The following COP1 variants were observed in gnomAD, a reference collection of about 807,000 sequenced individuals.
COP1 encodes COP1 E3 ubiquitin ligase, also known as E3 ubiquitin-protein ligase COP1.
Under a neutral mutation model 101.3 loss-of-function variants are expected in COP1, and 24 were observed. The observed-to-expected ratio is 0.24, with a 90% CI of 0.17 to 0.33. The LOEUF is 0.33. Among genes scored for constraint, COP1 ranks in the 10% least tolerant of loss-of-function variants. COP1 has a pLI of 1.00. For synonymous variants in COP1, 347 were observed against 341.9 expected, an observed-to-expected ratio of 1.01 and a Z score of -0.17; for missense variants, 663 against 906.2, an observed-to-expected ratio of 0.73 and a Z score of 3.45.
intron 3 of COP1, among the ~76,000 whole-genome samples, chr1:176,166,866 G>A (rs572083630): frequency 3.0e-4 from 45 of 152,168 alleles, no homozygotes; most frequent in Non-Finnish European, 4.9e-4. Context: ...GAGCTCAGGA[G>A]TTCGAGGCTG....
intron 11 of COP1, among the ~76,000 whole-genome samples, chr1:176,064,141 C>T (rs531332928): frequency 1.4e-4 from 21 of 152,168 alleles, no homozygotes; most frequent in African/African-American, 4.8e-4. Flanking sequence ...GCCCATGGTC[C>T]ATAGTTTGCT....
intron 18 of COP1, among the ~76,000 whole-genome samples, chr1:175,975,380 T>TC (rs1415135221): frequency 1.3e-5 from 2 of 152,036 alleles, no homozygotes; most frequent in African/African-American, 4.8e-5. Context: ...CCCACAACCA[T>TC]CCCGAAGTTA....
intron 18 of COP1, among the ~76,000 whole-genome samples, chr1:175,969,400 A>C (rs1046344194): frequency 1.3e-5 from 2 of 152,182 alleles, no homozygotes; most frequent in Admixed American, 1.3e-4. Context: ...CCTTCCACTG[A>C]AGCAGGTCAT....
At chr1:176,084,057 G>C (rs1374814798) in intron 10 of COP1, among the ~76,000 whole-genome samples, 1 of 152,100 alleles carries the variant, frequency 6.6e-6, no homozygotes, top group Admixed American at 6.5e-5. Flanking sequence ...GTGACTTAAA[G>C]ATTACTAATA....
At position 176,185,053 on chromosome 1, in the gene COP1, G is replaced by A. The variant is rs113042603; in HGVS notation, c.408-361C>T. Among the ~76,000 whole-genome samples the A allele has an allele frequency of 2.6e-3, 398 of 152,144 alleles. 3 individuals are homozygous for A. Among genetic ancestry groups the A allele is most frequent in the African/African-American group, 9.2e-3 (380 of 41,514 alleles). ...TTTTCCATCACATGTACTCAAAAGCGTGTACCGAGACCTGCTAAATACTCT... is the reference window on the plus strand; with the variant it reads ...TTTTCCATCACATGTACTCAAAAGCATGTACCGAGACCTGCTAAATACTCT... On this transcript the variant is annotated intron_variant, in intron 1 of 19. Coordinates refer to ENST00000367669, the MANE Select transcript of COP1 (RefSeq NM_022457.7).
At chr1:176,032,098 A>G (rs957909281) in intron 14 of COP1, among the ~76,000 whole-genome samples, 4 of 152,208 alleles carry the variant, frequency 2.6e-5, no homozygotes, top group African/African-American at 7.2e-5. Context: ...TGACACAGTA[A>G]AACAGCCCAA....
rs1042255813 is a variant in COP1 at position 176,154,107 on chromosome 1, G to C, written c.763-5033C>G. On this transcript the variant is annotated intron_variant, in intron 5 of 19. Coordinates refer to ENST00000367669, the MANE Select transcript of COP1 (RefSeq NM_022457.7). ...GTATCAAGATGATGCTGGCCTCACA[G>C]AATACTTAGGGAGGAGTGCCTCTTC... Among the ~76,000 whole-genome samples, 22 of 152,256 alleles carry C rather than the reference G, an allele frequency of 1.4e-4. 2 individuals carry two copies. The highest frequency in any genetic ancestry group is 1.2e-3 in the Admixed American group (18 of 15,288).
intron 15 of COP1, among the ~76,000 whole-genome samples, chr1:175,998,063 TAAAAAAA>T (rs57110017): frequency 0.037 from 2,503 of 66,834 alleles, 18 homozygotes; most frequent in Admixed American, 0.097. Context: ...AGAGTATAAT[TAAAAAAA>T]AAAAAAAAAA....
intron 8 of COP1, among the ~76,000 whole-genome samples, chr1:176,117,499 C>T (rs1156776701): frequency 6.6e-6 from 1 of 152,146 alleles, no homozygotes; most frequent in East Asian, 1.9e-4. Context: ...TTAAATAAGC[C>T]TTACATAAAA....
chr1:176,171,318 C>T (rs1696027851), intron 3 of COP1, among the ~76,000 whole-genome samples: 1 of 152,062 alleles, frequency 6.6e-6, no homozygotes, highest in African/African-American at 2.4e-5. Context: ...ATCTCTTGAA[C>T]CAACGTCTGT....
intron 8 of COP1, among the ~76,000 whole-genome samples, chr1:176,133,377 C>T (rs1689268812): frequency 6.6e-6 from 1 of 151,454 alleles, no homozygotes; most frequent in African/African-American, 2.4e-5. Context: ...TATCAAGTGT[C>T]ATATATTAGG....
chr1:176,072,917 C>T (rs11806468), intron 11 of COP1, among the ~76,000 whole-genome samples: 8,081 of 152,106 alleles, frequency 0.053, 466 homozygotes, highest in Middle Eastern at 0.14. Context: ...GTGTCAGAAC[C>T]TCAAAAGAAT....
At chr1:175,998,063 TAAAAAAAAAAAA>T (rs57110017) in intron 15 of COP1, among the ~76,000 whole-genome samples, 1 of 66,802 alleles carries the variant, frequency 1.5e-5, no homozygotes, top group Non-Finnish European at 2.4e-5. Flanking sequence ...AGAGTATAAT[TAAAAAAAAAAAA>T]AAAAAAAAAA....
At chr1:176,203,957 G>A (rs972944796) in intron 1 of COP1, among the ~76,000 whole-genome samples, 4 of 152,156 alleles carry the variant, frequency 2.6e-5, no homozygotes, top group Admixed American at 6.5e-5. Flanking sequence ...ATTCAGGTAC[G>A]TCTTCTTGGG....
chr1:176,148,948 A>G, intron 6 of COP1, 58 bp downstream of exon 6: 1 of 1,121,118 alleles, frequency 8.9e-7, no homozygotes, highest in Non-Finnish European at 1.3e-6. Context: ...CTTTTACAAA[A>G]TGGGAACAGT....
intron 15 of COP1, among the ~76,000 whole-genome samples, chr1:176,002,147 A>G (rs1463660652): frequency 6.6e-6 from 1 of 151,946 alleles, no homozygotes; most frequent in Non-Finnish European, 1.5e-5. Flanking sequence ...TTGCAAAAAT[A>G]CTGGCCATCA....
intron 15 of COP1, among the ~76,000 whole-genome samples, chr1:176,018,261 C>T (rs1177767464): frequency 6.6e-6 from 1 of 152,166 alleles, no homozygotes; most frequent in Non-Finnish European, 1.5e-5. Context: ...TACTTATCTG[C>T]ACATTAGATT....
At chr1:176,206,530 C>T (rs750999740) in intron 1 of COP1, 42 bp downstream of exon 1, 1 of 1,587,670 alleles carries the variant, frequency 6.3e-7, no homozygotes. Context: ...GCGGCAGAAA[C>T]TCATAATTTA....
At chr1:176,195,665 C>G (rs1011353791) in intron 1 of COP1, among the ~76,000 whole-genome samples, 3 of 152,064 alleles carry the variant, frequency 2.0e-5, no homozygotes. Context: ...TAGAATGATA[C>G]CCAGAAAATT....
Sources: gnomAD v4.1 joint callset for allele counts (sites outside exome capture counted in the v4.1 genomes callset) on GRCh38, gnomAD v4.1.1 for gene constraint, MANE v1.5 for transcripts, NCBI Gene and HGNC (gene_info 2026-07-23, HGNC 2026-07-21) for gene names.